GNPTAB: variants seen among roughly 807,000 people sequenced by gnomAD.
GNPTAB encodes the protein N-acetylglucosamine-1-phosphotransferase subunits alpha/beta.
GNPTAB carries 92 observed loss-of-function variants against 136.6 expected under a neutral mutation model. The ratio of observed to expected loss-of-function variants is 0.67; its 90% CI spans 0.57 to 0.80. GNPTAB has a LOEUF of 0.80. Among genes scored for constraint, GNPTAB ranks in the 30% least tolerant of loss-of-function variants. The probability of loss-of-function intolerance (pLI) is 0.00; values close to 1 mark genes in which losing one functional copy is unlikely to be tolerated. For synonymous variants in GNPTAB, 512 were observed against 535.1 expected (o/e 0.96, Z 0.60); for missense variants, 1,343 against 1,501.8 (o/e 0.89, Z 1.75).
intron 16 of GNPTAB, among the ~76,000 whole-genome samples, chr12:101,759,419 T>TA (rs1214680072): frequency 0.12 from 14,154 of 122,004 alleles, 962 homozygotes; most frequent in African/African-American, 0.2. Context: ...AAATAAAGCT[T>TA]AAAAAAAAAA....
chr12:101,806,093 A>G (rs1869919205), intron 1 of GNPTAB, among the ~76,000 whole-genome samples: 1 of 152,238 alleles, frequency 6.6e-6, no homozygotes, highest in Non-Finnish European at 1.5e-5. Flanking sequence ...TTCTGAGGAC[A>G]TAGCAATGAC....
At chr12:101,807,539 C>T (rs1270346532) in intron 1 of GNPTAB, among the ~76,000 whole-genome samples, 2 of 152,078 alleles carry the variant, frequency 1.3e-5, no homozygotes, top group Admixed American at 6.6e-5. Flanking sequence ...CTTTGTTCAC[C>T]GATGACATGA....
At chr12:101,754,348 C>G (rs554113537) in intron 18 of GNPTAB, among the ~76,000 whole-genome samples, 1 of 151,810 alleles carries the variant, frequency 6.6e-6, no homozygotes, top group Admixed American at 6.6e-5. Context: ...AATTGCTGAA[C>G]TCGGGAGGCA....
At chr12:101,786,267 A>C in intron 4 of GNPTAB, 50 bp from the exon 5 acceptor site, 1 of 1,405,460 alleles carries the variant, frequency 7.1e-7, no homozygotes, top group Non-Finnish European at 9.9e-7. Flanking sequence ...AAATTTAATC[A>C]GCAATGAGAA....
intron 7 of GNPTAB, chr12:101,779,718 T>C (rs1451365098): frequency 3.5e-5 from 7 of 201,874 alleles, no homozygotes; most frequent in Admixed American, 1.6e-4. Flanking sequence ...CATGCTTCCA[T>C]TGTTCACACC....
chr12:101,770,559 G>A lies in GNPTAB; in HGVS notation c.960C>T (p.Ala320=). ...GTTCTTCGTTATCTTCAAAACGACT[G>A]GCAGAGATGTCTTCATCCTGCTTAG... ...SQSKQDEDIS[A]SRFEDNEELR... The change falls in exon 9 of 21, where the codon GCC becomes GCT. Residue 320 remains alanine (A), a synonymous_variant. Coordinates refer to ENST00000299314, the MANE Select transcript of GNPTAB (RefSeq NM_024312.5). 1 of 1,613,398 alleles carries A rather than the reference G, an allele frequency of 6.2e-7. No individual in the cohort carries two copies. Among genetic ancestry groups the A allele is most frequent in the East Asian group, 2.2e-5 (1 of 44,868 alleles).
chr12:101,764,166 T>C lies in GNPTAB; in HGVS notation c.2715+36A>G. 1.9e-6 allele frequency: 3 copies of C among 1,613,228 alleles called. No individual in the cohort carries two copies. The South Asian group carries it at 3.3e-5, about 18-fold the overall frequency. On this transcript the variant is annotated intron_variant, in intron 13 of 20. Coordinates refer to ENST00000299314, the MANE Select transcript of GNPTAB (RefSeq NM_024312.5). ...TTATCATGAGATTATTTACTCTTCC[T>C]GAGCATGAGAAAGAATGAGGCTGGA...
intron 1 of GNPTAB, among the ~76,000 whole-genome samples, chr12:101,812,891 A>T (rs1594255979): frequency 6.6e-6 from 1 of 152,016 alleles, no homozygotes; most frequent in Non-Finnish European, 1.5e-5. Flanking sequence ...TGCAGTGTCA[A>T]CCTCCCAGAC....
chr12:101,771,767 G>A (rs1347836864), intron 7 of GNPTAB, among the ~76,000 whole-genome samples: 1 of 152,218 alleles, frequency 6.6e-6, no homozygotes, highest in Non-Finnish European at 1.5e-5. Flanking sequence ...ATCCCCAACT[G>A]TTGTATGAAA....
At chr12:101,824,463 A>ATTTTTT (rs1870988689) in intron 1 of GNPTAB, among the ~76,000 whole-genome samples, 1 of 64,608 alleles carries the variant, frequency 1.5e-5, no homozygotes, top group Non-Finnish European at 3.0e-5. Flanking sequence ...TTTTTGGTTA[A>ATTTTTT]CCTTTTTGTT....
intron 1 of GNPTAB, among the ~76,000 whole-genome samples, chr12:101,827,297 C>G (rs182297261): frequency 6.6e-6 from 1 of 151,954 alleles, no homozygotes; most frequent in Non-Finnish European, 1.5e-5. Context: ...GATAGGGTTT[C>G]GCCATGTTGC....
intron 1 of GNPTAB, among the ~76,000 whole-genome samples, chr12:101,801,231 CAA>C (rs35036983): frequency 3.1e-4 from 4 of 12,754 alleles, no homozygotes; most frequent in South Asian, 5.1e-3. Flanking sequence ...GACCCTGTCT[CAA>C]AAAAAAAAAA....
rs888942515 is a variant in GNPTAB at position 101,758,962 on chromosome 12, T to A, written c.3249+1068A>T. On this transcript the variant is annotated intron_variant, in intron 16 of 20. Transcript: ENST00000299314. ...GTGATTTAACCTACTGTCATTTCTG[T>A]TGTCTTTTGGGGTATGTGTGTTGTA... is the stretch of plus-strand genomic sequence containing the variant. Among the ~76,000 whole-genome samples the A allele has an allele frequency of 1.0e-3, 158 of 152,332 alleles. 1 individual carries two copies. Among genetic ancestry groups the A allele is most frequent in the African/African-American group, 3.7e-3 (153 of 41,578 alleles).
intron 1 of GNPTAB, among the ~76,000 whole-genome samples, chr12:101,812,095 A>G (rs969015905): frequency 1.3e-5 from 2 of 151,650 alleles, no homozygotes; most frequent in Non-Finnish European, 2.9e-5. Context: ...CTACTAAAAA[A>G]AATGCTGGGC....
At chr12:101,822,059 C>T (rs1272617531) in intron 1 of GNPTAB, among the ~76,000 whole-genome samples, 1 of 152,134 alleles carries the variant, frequency 6.6e-6, no homozygotes, top group Non-Finnish European at 1.5e-5. Context: ...AGCAGGTGAC[C>T]ACTCCTGAGC....
rs760882335 is a variant in GNPTAB, at chr12:101,766,342, GA to G, written c.1409-49del. ...GGATTCTTGCTGTAATTACAATTTT[GA>G]AAGACAGTTCTGGACTGGGTGTGGT... is the stretch of plus-strand genomic sequence containing the variant. On this transcript the variant is annotated intron_variant, in intron 11 of 20. Coordinates refer to ENST00000299314, the MANE Select transcript of GNPTAB (RefSeq NM_024312.5). 41 of 1,533,792 alleles carry G rather than the reference GA, an allele frequency of 2.7e-5. No individual in the cohort carries two copies. The Admixed American group carries it at 5.0e-4, about 19-fold the overall frequency.
intron 1 of GNPTAB, among the ~76,000 whole-genome samples, chr12:101,828,840 TG>T (rs754804799): frequency 2.0e-5 from 3 of 152,108 alleles, no homozygotes; most frequent in Non-Finnish European, 4.4e-5. Flanking sequence ...CCCACAGGGG[TG>T]ATGTTGTGAG....
intron 1 of GNPTAB, among the ~76,000 whole-genome samples, chr12:101,817,024 T>C (rs1401874316): frequency 1.3e-5 from 2 of 152,090 alleles, no homozygotes; most frequent in African/African-American, 4.8e-5. Flanking sequence ...AATAGAATGG[T>C]GGTTGCCAGA....
intron 5 of GNPTAB, chr12:101,785,529 T>A (rs1868593031): frequency 6.3e-6 from 1 of 158,164 alleles, no homozygotes; most frequent in Admixed American, 6.3e-5. Context: ...GGGATCTCTT[T>A]TATAAGGGTA....
Sources: gnomAD v4.1 joint callset for allele counts (sites outside exome capture counted in the v4.1 genomes callset) on GRCh38, gnomAD v4.1.1 for gene constraint, MANE v1.5 for transcripts, NCBI Gene and HGNC (gene_info 2026-07-23, HGNC 2026-07-21) for gene names.